The following BCAS3 variants were observed in gnomAD, a reference collection of about 807,000 sequenced individuals.
The protein encoded by BCAS3 is BCAS3 microtubule associated cell migration factor.
In BCAS3, 53 loss-of-function variants were observed where a neutral mutation model predicts 116.1. The ratio of observed to expected loss-of-function variants is 0.46; its 90% CI spans 0.37 to 0.57. The LOEUF (loss-of-function observed/expected upper bound fraction) is 0.57. BCAS3 is among the 20% of genes least tolerant of loss of function. The pLI is 0.00. For synonymous variants in BCAS3, 391 were observed against 408.2 expected (o/e 0.96, Z 0.51); for missense variants, 917 against 1,165.4 (o/e 0.79, Z 3.10).
intron 7 of BCAS3, among the ~76,000 whole-genome samples, chr17:60,847,208 A>G (rs1377369981): frequency 6.6e-6 from 1 of 151,814 alleles, no homozygotes; most frequent in Non-Finnish European, 1.5e-5. Context: ...TACATTGTAC[A>G]CTACAATTTG....
chr17:60,715,139 T>TC (rs1451116876), intron 5 of BCAS3, among the ~76,000 whole-genome samples: 1 of 149,714 alleles, frequency 6.7e-6, no homozygotes, highest in Non-Finnish European at 1.5e-5. Flanking sequence ...TTTCTTTTTT[T>TC]TTTTTTTTTT....
intron 22 of BCAS3, among the ~76,000 whole-genome samples, chr17:61,253,128 G>T (rs968385105): frequency 1.3e-5 from 2 of 151,110 alleles, no homozygotes; most frequent in Admixed American, 1.3e-4. Flanking sequence ...CACTTGCCTC[G>T]GCCTCCCAAA....
chr17:60,833,876 AT>A (rs1348595704), intron 7 of BCAS3, among the ~76,000 whole-genome samples: 4 of 152,156 alleles, frequency 2.6e-5, no homozygotes, highest in Non-Finnish European at 2.9e-5. Flanking sequence ...ATAAGAAAAC[AT>A]TTTACTTCTC....
chr17:61,042,082 C>T (rs921806416), intron 19 of BCAS3, among the ~76,000 whole-genome samples: 2 of 151,898 alleles, frequency 1.3e-5, no homozygotes, highest in Non-Finnish European at 2.9e-5. Context: ...AAGTGGTTTT[C>T]GGGTTGATTC....
At chr17:60,684,417 A>G (rs1826359279) in intron 3 of BCAS3, among the ~76,000 whole-genome samples, 1 of 152,292 alleles carries the variant, frequency 6.6e-6, no homozygotes, top group Admixed American at 6.5e-5. Flanking sequence ...GTACCTGAAC[A>G]CAAATCTACA....
intron 19 of BCAS3, among the ~76,000 whole-genome samples, chr17:61,069,249 T>C (rs766156611): frequency 3.9e-5 from 6 of 152,116 alleles, no homozygotes; most frequent in Non-Finnish European, 5.9e-5. Context: ...GTAATAAAGC[T>C]ACCCAGCCTG....
chr17:61,301,231 G>A (rs1240556451), intron 22 of BCAS3, among the ~76,000 whole-genome samples: 2 of 152,168 alleles, frequency 1.3e-5, no homozygotes, highest in Non-Finnish European at 2.9e-5. Context: ...TGAATAGCTG[G>A]CCTCATGTCA....
intron 5 of BCAS3, among the ~76,000 whole-genome samples, chr17:60,746,967 C>CT (rs1214747212): frequency 1.3e-5 from 2 of 152,126 alleles, no homozygotes; most frequent in Non-Finnish European, 2.9e-5. Context: ...AGAACAGACC[C>CT]TTTTTTTCTG....
Position 60,807,962 on chromosome 17 carries a change from A to G in BCAS3, c.404-42A>G, listed in dbSNP as rs376211930. On this transcript the variant is annotated intron_variant, in intron 6 of 23. Coordinates refer to ENST00000407086, the MANE Select transcript of BCAS3 (RefSeq NM_017679.5). ...TGAAAATAGTGGGAATTATACAATA[A>G]TATTCCTCAAAGCTTACAATTTATT... 1.9e-4 allele frequency: 258 copies of G among 1,367,286 alleles called. 3 individuals are homozygous for G. Among genetic ancestry groups the G allele is most frequent in the South Asian group, 1.1e-3 (88 of 81,074 alleles). The allele number at this position is 1,367,286 out of a possible 1,614,324, so 84.7% of individuals were successfully genotyped here.
chr17:60,766,984 TG>T (rs1406154306), intron 6 of BCAS3, among the ~76,000 whole-genome samples: 4 of 152,240 alleles, frequency 2.6e-5, no homozygotes, highest in Non-Finnish European at 5.9e-5. Context: ...CAAGGCTCCA[TG>T]GGCATTGGAC....
At position 61,163,762 on chromosome 17, in the gene BCAS3, A is replaced by G. The variant is rs2078308214; in HGVS notation, c.2425+79198A>G. On this transcript the variant is annotated intron_variant, in intron 22 of 23. Transcript: ENST00000407086. The stretch of plus-strand genomic sequence containing the variant: ...AGTACTTTGGGAGGCCAAGGTGGGC[A>G]GATCACCTGAGGTTGGGAGTTCGAG... Among the ~76,000 whole-genome samples, 3 of 152,074 alleles carry G rather than the reference A, an allele frequency of 2.0e-5. No individual in the cohort carries two copies. The South Asian group carries it at 6.2e-4, about 31-fold the overall frequency.
chr17:61,366,769 C>T lies in BCAS3; in HGVS notation c.2426-1558C>T, dbSNP rs1005192508. ...CCCTTATAGATGCTGCCCATTCTCC[C>T]AGTGCCAGGAATCTTCCCTACAATT... On this transcript the variant is annotated intron_variant, in intron 22 of 23. Transcript: ENST00000407086. The surrounding 1 kb of genome is among the most constrained non-coding windows in gnomAD (Gnocchi z 4.5). Among the ~76,000 whole-genome samples, 5 of 152,212 alleles carry T rather than the reference C, an allele frequency of 3.3e-5. No homozygotes were observed. The highest frequency in any genetic ancestry group is 5.9e-5 in the Non-Finnish European group (4 of 68,044).
At chr17:60,978,049 T>C (rs1402267672) in intron 14 of BCAS3, among the ~76,000 whole-genome samples, 1 of 133,104 alleles carries the variant, frequency 7.5e-6, no homozygotes, top group African/African-American at 3.8e-5. Context: ...ATGGTATTTC[T>C]AGTTCTAGAT....
intron 13 of BCAS3, among the ~76,000 whole-genome samples, chr17:60,936,789 T>C (rs2059954536): frequency 6.6e-6 from 1 of 152,172 alleles, no homozygotes; most frequent in Non-Finnish European, 1.5e-5. Flanking sequence ...ATTGCAAAAA[T>C]TTTCTCCCAT....
intron 19 of BCAS3, among the ~76,000 whole-genome samples, chr17:61,045,021 A>G (rs2067914839): frequency 6.6e-6 from 1 of 151,974 alleles, no homozygotes; most frequent in South Asian, 2.1e-4. Context: ...TCTGCCTCCC[A>G]AAGTGCTGGA....
chr17:60,815,870 A>G (rs1158475547), intron 7 of BCAS3, among the ~76,000 whole-genome samples: 1 of 152,224 alleles, frequency 6.6e-6, no homozygotes, highest in African/African-American at 2.4e-5. Context: ...CTTTCTTGGT[A>G]TTAAGCGCAG....
At chr17:60,748,101 A>C (rs975724419) in intron 6 of BCAS3, among the ~76,000 whole-genome samples, 5 of 152,166 alleles carry the variant, frequency 3.3e-5, no homozygotes, top group Non-Finnish European at 7.3e-5. Context: ...ATATTAAAAT[A>C]TTTTAATTCT....
intron 14 of BCAS3, among the ~76,000 whole-genome samples, chr17:60,952,049 G>A (rs887857645): frequency 2.0e-5 from 3 of 151,776 alleles, no homozygotes; most frequent in Non-Finnish European, 2.9e-5. Flanking sequence ...TGGGATTACA[G>A]GCATGAGCCA....
chr17:60,889,569 G>T, intron 9 of BCAS3, 126 bp from the exon 10 acceptor site: 1 of 751,770 alleles, frequency 1.3e-6, no homozygotes, highest in Non-Finnish European at 2.2e-6. Context: ...AGTGTTACAG[G>T]AATTTTATGT....
Sources: allele counts gnomAD v4.1 joint callset (sites outside exome capture counted in the v4.1 genomes callset), GRCh38; gene constraint gnomAD v4.1.1; non-coding constraint Gnocchi (gnomAD v3.1); transcripts MANE v1.5; gene names NCBI Gene and HGNC (gene_info 2026-07-23, HGNC 2026-07-21).